Variants in SAMD12 observed in about 807,000 individuals in gnomAD.
SAMD12 encodes sterile alpha motif domain containing 12.
A neutral mutation model predicts 15.0 loss-of-function variants in SAMD12; 9 were observed. That is an observed-to-expected ratio of 0.60 (90% CI 0.36 to 1.05). The LOEUF (loss-of-function observed/expected upper bound fraction) is 1.05. Ranked by LOEUF, SAMD12 falls within the 50% of genes least tolerant of loss-of-function variation. SAMD12 has a pLI of 0.01. For missense variants in SAMD12, 230 were observed against 234.2 expected, an observed-to-expected ratio of 0.98 and a Z score of 0.12; for synonymous variants, 86 against 90.1, an observed-to-expected ratio of 0.96 and a Z score of 0.25.
intron 2 of SAMD12, among the ~76,000 whole-genome samples, chr8:118,552,924 A>G (rs954211943): frequency 1.3e-5 from 2 of 151,968 alleles, no homozygotes; most frequent in African/African-American, 4.8e-5. Context: ...GTGAACTCCC[A>G]TTCACAATTG....
chr8:118,335,457 A>G (rs1184561625), intron 4 of SAMD12, among the ~76,000 whole-genome samples: 2 of 152,206 alleles, frequency 1.3e-5, no homozygotes, highest in Non-Finnish European at 2.9e-5. Flanking sequence ...TCCCAAGTAC[A>G]ATGTCAAATC....
chr8:118,236,680 A>G (rs1310569750), intron 4 of SAMD12, among the ~76,000 whole-genome samples: 1 of 152,236 alleles, frequency 6.6e-6, no homozygotes, highest in Non-Finnish European at 1.5e-5. Context: ...CACAAATGAC[A>G]TCCATCTTCT....
At chr8:118,338,277 T>C (rs1479664161) in intron 4 of SAMD12, among the ~76,000 whole-genome samples, 5 of 152,240 alleles carry the variant, frequency 3.3e-5, no homozygotes, top group Non-Finnish European at 7.3e-5. Flanking sequence ...CTTCCCTTTT[T>C]GAAAGTGGAT....
intron 4 of SAMD12, among the ~76,000 whole-genome samples, chr8:118,346,329 C>T (rs1304115628): frequency 6.6e-6 from 1 of 152,128 alleles, no homozygotes; most frequent in East Asian, 1.9e-4. Context: ...TGTTTCCAGG[C>T]TTATCCTTCC....
At chr8:118,411,723 G>C (rs1433149248) in intron 3 of SAMD12, among the ~76,000 whole-genome samples, 1 of 152,112 alleles carries the variant, frequency 6.6e-6, no homozygotes, top group African/African-American at 2.4e-5. Flanking sequence ...AGAGTATACT[G>C]ACAGCTTGGA....
chr8:118,481,552 A>G (rs191758845), intron 2 of SAMD12, among the ~76,000 whole-genome samples: 2 of 152,332 alleles, frequency 1.3e-5, no homozygotes, highest in East Asian at 3.9e-4. Context: ...ATAAGAAAGT[A>G]AGATCCTAAC....
chr8:118,513,304 T>C (rs2131071563), intron 2 of SAMD12, among the ~76,000 whole-genome samples: 1 of 152,312 alleles, frequency 6.6e-6, no homozygotes, highest in East Asian at 1.9e-4. Context: ...TGAATAGAGT[T>C]GAAAACATTT....
In SAMD12 at chr8:118,518,728, C is replaced by T. The variant is rs970739167; in HGVS notation, c.192+61987G>A. On this transcript the variant is annotated intron_variant, in intron 2 of 3. Coordinates refer to ENST00000314727, the MANE Select transcript of SAMD12 (RefSeq NM_207506.3). ...CCTACTACACAACCATCATGCTGAG[C>T]ACCTCTGACCTCCTGAAGAAAGCAT... Among the ~76,000 whole-genome samples the T allele has an allele frequency of 2.0e-5, 3 of 152,168 alleles. No individual in the cohort carries two copies. In the South Asian group the frequency reaches 6.2e-4, roughly 32 times the overall value.
At chr8:118,617,543 G>C (rs555263743) in intron 1 of SAMD12, among the ~76,000 whole-genome samples, 2 of 152,200 alleles carry the variant, frequency 1.3e-5, no homozygotes, top group East Asian at 1.9e-4. Flanking sequence ...CTTGGGGAGA[G>C]AGGTGAGTGC....
In SAMD12 at chr8:118,208,245, G is replaced by A. The variant is rs576351468; in HGVS notation, c.434-10513C>T. Among the ~76,000 whole-genome samples the A allele has an allele frequency of 4.6e-5, 7 of 152,048 alleles. No individual in the cohort carries two copies. The South Asian group carries it at 6.2e-4, about 14-fold the overall frequency. The stretch of plus-strand genomic sequence containing the variant: ...GCACTCCAGCCTGGGCAACAAGAGC[G>A]AAACTCTGTCTCAAAAATAAAATAA... On this transcript the variant is annotated intron_variant, in intron 4 of 4. Coordinates refer to the SAMD12 transcript ENST00000409003.
chr8:118,189,454 C>G (rs1563684875), downstream of SAMD12: 1 of 151,984 alleles, frequency 6.6e-6, no homozygotes, highest in Non-Finnish European at 1.5e-5. Flanking sequence ...AATCAAAACG[C>G]TTTTACACGG....
chr8:118,285,034 G>C (rs919739566), intron 4 of SAMD12: 2 of 151,280 alleles, frequency 1.3e-5, no homozygotes. Flanking sequence ...CAAATGACCC[G>C]GCCGAAGTTC....
chr8:118,357,635 A>G (rs887171445), intron 4 of SAMD12, among the ~76,000 whole-genome samples: 2 of 152,242 alleles, frequency 1.3e-5, no homozygotes, highest in Admixed American at 6.5e-5. Flanking sequence ...CTATACATGG[A>G]TATCACATTG....
intron 4 of SAMD12, among the ~76,000 whole-genome samples, chr8:118,266,673 G>A (rs1201152104): frequency 1.3e-5 from 2 of 152,028 alleles, no homozygotes; most frequent in African/African-American, 4.8e-5. Context: ...AGAAGATCCT[G>A]TCATTTGCAA....
chr8:118,301,373 C>T (rs941750655), intron 4 of SAMD12, among the ~76,000 whole-genome samples: 3 of 152,156 alleles, frequency 2.0e-5, no homozygotes, highest in African/African-American at 7.2e-5. Context: ...TTGACTAAAA[C>T]AGTTTCTTCC....
At chr8:118,618,594 C>T (rs970648091) in intron 1 of SAMD12, among the ~76,000 whole-genome samples, 1 of 152,114 alleles carries the variant, frequency 6.6e-6, no homozygotes, top group Non-Finnish European at 1.5e-5. Flanking sequence ...AATCCCAGCA[C>T]TTTGGGAGGC....
At chr8:118,568,050 A>C (rs1010840885) in intron 2 of SAMD12, among the ~76,000 whole-genome samples, 1 of 152,242 alleles carries the variant, frequency 6.6e-6, no homozygotes, top group African/African-American at 2.4e-5. Context: ...CTAAAATAAT[A>C]ATAAACATAA....
chr8:118,601,451 C>G (rs1419806814), intron 1 of SAMD12, among the ~76,000 whole-genome samples: 1 of 152,156 alleles, frequency 6.6e-6, no homozygotes, highest in Non-Finnish European at 1.5e-5. Context: ...TATTTCCAGA[C>G]ACCATACCCT....
chr8:118,285,612 C>A (rs957651020), intron 4 of SAMD12, among the ~76,000 whole-genome samples: 2 of 152,216 alleles, frequency 1.3e-5, no homozygotes, highest in African/African-American at 2.4e-5. Context: ...TGTGGCATAG[C>A]ACAAATGGAC....
Sources: allele counts gnomAD v4.1 joint callset (sites outside exome capture counted in the v4.1 genomes callset), GRCh38; gene constraint gnomAD v4.1.1; transcripts MANE v1.5; gene names NCBI Gene and HGNC (gene_info 2026-07-23, HGNC 2026-07-21).